PDZRN3: variants seen among roughly 807,000 people sequenced by gnomAD.
The protein encoded by PDZRN3 is E3 ubiquitin-protein ligase PDZRN3.
PDZRN3 carries 38 observed loss-of-function variants against 85.7 expected under a neutral mutation model. That is an observed-to-expected ratio of 0.44 (90% CI 0.34 to 0.58). The LOEUF (loss-of-function observed/expected upper bound fraction) is 0.58. PDZRN3 is among the 20% of genes least tolerant of loss of function. The pLI, the probability that PDZRN3 is intolerant of heterozygous loss-of-function variation, is 0.01. For synonymous variants in PDZRN3, 759 were observed against 638.0 expected, an observed-to-expected ratio of 1.19 and a Z score of -2.86; for missense variants, 1,629 against 1,506.4, an observed-to-expected ratio of 1.08 and a Z score of -1.35.
intron 3 of PDZRN3, among the ~76,000 whole-genome samples, chr3:73,405,100 C>A (rs1389530656): frequency 6.6e-6 from 1 of 152,184 alleles, no homozygotes; most frequent in East Asian, 1.9e-4. Context: ...CAACAGTTCT[C>A]TCATCATAGT....
intron 3 of PDZRN3, among the ~76,000 whole-genome samples, chr3:73,547,055 G>A (rs188124323): frequency 1.1e-3 from 168 of 152,278 alleles, no homozygotes; most frequent in African/African-American, 3.8e-3. Flanking sequence ...AAGCCAGGAC[G>A]TGCAAAGATG....
chr3:73,596,091 G>C (rs925207876), intron 3 of PDZRN3, among the ~76,000 whole-genome samples: 6 of 152,080 alleles, frequency 3.9e-5, no homozygotes, highest in African/African-American at 1.4e-4. Context: ...CAGGAAGTAG[G>C]AAAGTGCTCA....
chr3:73,447,705 C>A (rs531975680), intron 3 of PDZRN3, among the ~76,000 whole-genome samples: 28 of 152,312 alleles, frequency 1.8e-4, no homozygotes, highest in African/African-American at 6.7e-4. Flanking sequence ...AGAGATAATT[C>A]AGTTGCAGTC....
intron 3 of PDZRN3, among the ~76,000 whole-genome samples, chr3:73,533,601 G>A (rs563167208): frequency 6.6e-6 from 1 of 151,634 alleles, no homozygotes; most frequent in Non-Finnish European, 1.5e-5. Context: ...TGTTGGGAAC[G>A]TATCCCATAT....
At chr3:73,569,062 T>C (rs1575743186) in intron 3 of PDZRN3, 2 of 715,718 alleles carry the variant, frequency 2.8e-6, no homozygotes, top group East Asian at 1.3e-4. Flanking sequence ...TGAAGTAAAA[T>C]AACTGGCCCA....
rs10675308 is a variant in PDZRN3, at chr3:73,388,930, CAAAAAAAAAAA to C, written c.1417-872_1417-862del. 1.6e-3 allele frequency among the ~76,000 whole-genome samples: 111 copies of C among 67,688 alleles called. 1 individual carries two copies. The highest frequency in any genetic ancestry group is 0.013 in the Middle Eastern group (1 of 76). The allele number at this position is 67,688 out of a possible 152,430, so 44.4% of individuals were successfully genotyped here. On this transcript the variant is annotated intron_variant, in intron 7 of 9. Transcript: ENST00000263666. ...AAGGTTAATGGAAAACTCCAGCAAT[CAAAAAAAAAAA>C]AAAAAAAAAAAAAAAGAGGCAGTAT... is the stretch of plus-strand genomic sequence containing the variant.
Position 73,396,151 on chromosome 3 carries a change from C to T in PDZRN3, c.1254+4771G>A, listed in dbSNP as rs1367239652. Among the ~76,000 whole-genome samples, 16 of 151,986 alleles carry T rather than the reference C, an allele frequency of 1.1e-4. 1 individual carries two copies. Among genetic ancestry groups the T allele is most frequent in the Admixed American group, 2.0e-4 (3 of 15,252 alleles). ...GGCAGGTGAATTGCTTGAACCTAGG[C>T]GGCTGCGGTGAGCCAAGACTGCACC... On this transcript the variant is annotated intron_variant, in intron 5 of 9. Coordinates refer to ENST00000263666, the MANE Select transcript of PDZRN3 (RefSeq NM_015009.3).
At chr3:73,430,512 C>T (rs1397905049) in intron 3 of PDZRN3, among the ~76,000 whole-genome samples, 1 of 152,188 alleles carries the variant, frequency 6.6e-6, no homozygotes, top group East Asian at 1.9e-4. Flanking sequence ...TGGGGTGGCA[C>T]TCTGTTCCCC....
chr3:73,548,952 G>A (rs1460726909), intron 3 of PDZRN3, among the ~76,000 whole-genome samples: 1 of 152,192 alleles, frequency 6.6e-6, no homozygotes, highest in Non-Finnish European at 1.5e-5. Context: ...AAATGGTGCA[G>A]AAAATGGCAC....
chr3:73,587,198 A>G (rs1702290362), intron 3 of PDZRN3, among the ~76,000 whole-genome samples: 1 of 152,238 alleles, frequency 6.6e-6, no homozygotes, highest in Non-Finnish European at 1.5e-5. Flanking sequence ...GGCAAATGGC[A>G]TTAGAAGAAA....
chr3:73,532,206 C>T (rs977323424), intron 3 of PDZRN3, among the ~76,000 whole-genome samples: 8 of 151,916 alleles, frequency 5.3e-5, no homozygotes, highest in Non-Finnish European at 7.4e-5. Context: ...GGGGTTTCAC[C>T]GTGTTAGGAT....
intron 3 of PDZRN3, among the ~76,000 whole-genome samples, chr3:73,587,235 C>T (rs768581421): frequency 2.6e-5 from 4 of 152,206 alleles, no homozygotes; most frequent in African/African-American, 2.4e-5. Flanking sequence ...TACCAGACTA[C>T]ACCGTATGCA....
At chr3:73,570,304 C>G (rs1295078008) in intron 3 of PDZRN3, among the ~76,000 whole-genome samples, 1 of 152,190 alleles carries the variant, frequency 6.6e-6, no homozygotes, top group Non-Finnish European at 1.5e-5. Context: ...AGGCATACAT[C>G]TAGAAGAGAC....
At chr3:73,497,937 A>G (rs974125679) in intron 3 of PDZRN3, among the ~76,000 whole-genome samples, 3 of 152,144 alleles carry the variant, frequency 2.0e-5, no homozygotes, top group African/African-American at 7.2e-5. Flanking sequence ...TAGTATGCTG[A>G]TAATTGAAGA....
At chr3:73,616,737 G>T (rs757895740) in intron 1 of PDZRN3, among the ~76,000 whole-genome samples, 3 of 152,162 alleles carry the variant, frequency 2.0e-5, no homozygotes, top group Non-Finnish European at 4.4e-5. Flanking sequence ...AGACAGTCAA[G>T]AAATGCTTGA....
chr3:73,489,841 G>C (rs897070861), intron 3 of PDZRN3, among the ~76,000 whole-genome samples: 6 of 151,944 alleles, frequency 3.9e-5, no homozygotes, highest in Non-Finnish European at 7.4e-5. Flanking sequence ...CAAAGTGCTG[G>C]GATTCCAGGC....
At chr3:73,514,646 G>C (rs571285365) in intron 3 of PDZRN3, among the ~76,000 whole-genome samples, 1 of 152,304 alleles carries the variant, frequency 6.6e-6, no homozygotes, top group Non-Finnish European at 1.5e-5. Context: ...CAACGGTTGA[G>C]GGCTGATCTT....
Position 73,603,733 on chromosome 3 carries a change from A to T in PDZRN3, c.811-1272T>A, listed in dbSNP as rs370113120. ...CAGCAAAAAACAAAACCAAAAAACAATCCCTATATTCTAAAGGGGGAAGGA... is the reference window on the plus strand; with the variant it reads ...CAGCAAAAAACAAAACCAAAAAACATTCCCTATATTCTAAAGGGGGAAGGA... On this transcript the variant is annotated intron_variant, in intron 2 of 9. Transcript: ENST00000263666. Among the ~76,000 whole-genome samples the T allele has an allele frequency of 3.7e-4, 57 of 152,274 alleles. No individual in the cohort carries two copies. In the South Asian group the frequency reaches 0.011, roughly 30 times the overall value.
At chr3:73,395,967 A>C (rs1258615686) in intron 5 of PDZRN3, among the ~76,000 whole-genome samples, 1 of 152,198 alleles carries the variant, frequency 6.6e-6, no homozygotes, top group African/African-American at 2.4e-5. Flanking sequence ...TCATACCTGT[A>C]ATCCCAGCAC....
Sources: allele counts gnomAD v4.1 joint callset (sites outside exome capture counted in the v4.1 genomes callset), GRCh38; gene constraint gnomAD v4.1.1; transcripts MANE v1.5; gene names NCBI Gene and HGNC (gene_info 2026-07-23, HGNC 2026-07-21).